The following COL23A1 variants were observed in gnomAD, a reference collection of about 807,000 sequenced individuals.
COL23A1 encodes the protein collagen alpha-1(XXIII) chain.
A neutral mutation model predicts 99.3 loss-of-function variants in COL23A1; 97 were observed. That is an observed-to-expected ratio of 0.98 (90% CI 0.83 to 1.16). COL23A1 has a LOEUF of 1.16. Among genes scored for constraint, COL23A1 ranks in the 50% most tolerant of loss-of-function variants. The pLI is 0.00. For synonymous variants in COL23A1, 320 were observed against 308.2 expected (o/e 1.04, Z -0.40); for missense variants, 762 against 757.4 (o/e 1.01, Z -0.07).
At position 178,269,983 on chromosome 5, in the gene COL23A1, G is replaced by A. The variant is rs566165124; in HGVS notation, c.468+354C>T. Among the ~76,000 whole-genome samples the A allele has an allele frequency of 1.5e-4, 23 of 152,368 alleles. 1 individual carries two copies. In the South Asian group the frequency reaches 4.8e-3, roughly 32 times the overall value. ...CAGGGCAGTCTTGAGAACGTAGTGAGGACACTGTGCCTGTGCCTGCTGGGA... is the reference window on the plus strand; with the variant it reads ...CAGGGCAGTCTTGAGAACGTAGTGAAGACACTGTGCCTGTGCCTGCTGGGA... On this transcript the variant is annotated intron_variant, in intron 6 of 28. Transcript: ENST00000390654.
chr5:178,516,604 G>A (rs972886769), intron 2 of COL23A1, among the ~76,000 whole-genome samples: 11 of 152,186 alleles, frequency 7.2e-5, no homozygotes, highest in Admixed American at 3.3e-4. Flanking sequence ...CCTGGAACGC[G>A]CCAGGCCCTG....
chr5:178,345,969 A>G (rs1231259746), intron 2 of COL23A1, among the ~76,000 whole-genome samples: 1 of 152,144 alleles, frequency 6.6e-6, no homozygotes, highest in Admixed American at 6.5e-5. Context: ...TTACAAGAAA[A>G]TATTTTCATC....
intron 19 of COL23A1, among the ~76,000 whole-genome samples, 158 bp downstream of exon 19, chr5:178,248,959 C>T (rs1015899557): frequency 9.2e-5 from 14 of 152,228 alleles, no homozygotes; most frequent in African/African-American, 1.9e-4. Context: ...AGGAGGACAG[C>T]GCTGGCCCAG....
intron 2 of COL23A1, among the ~76,000 whole-genome samples, chr5:178,554,279 A>G (rs1293418921): frequency 2.0e-5 from 3 of 151,998 alleles, no homozygotes; most frequent in African/African-American, 7.3e-5. Flanking sequence ...CCTGAGTTCA[A>G]GCAATCCTCC....
At chr5:178,375,607 C>T (rs1763030738) in intron 2 of COL23A1, among the ~76,000 whole-genome samples, 1 of 152,262 alleles carries the variant, frequency 6.6e-6, no homozygotes, top group Non-Finnish European at 1.5e-5. Context: ...TCCCACCTTG[C>T]TGACCTCAGT....
intron 2 of COL23A1, among the ~76,000 whole-genome samples, chr5:178,334,249 G>A (rs1024005681): frequency 2.6e-5 from 4 of 152,156 alleles, no homozygotes; most frequent in Admixed American, 2.6e-4. Context: ...TGTGCCCGGC[G>A]CAGTGCTGGG....
intron 2 of COL23A1, among the ~76,000 whole-genome samples, chr5:178,368,517 G>T (rs898829003): frequency 6.6e-6 from 1 of 152,188 alleles, no homozygotes; most frequent in Non-Finnish European, 1.5e-5. Context: ...GGACGACTGT[G>T]TAATGACACG....
intron 2 of COL23A1, among the ~76,000 whole-genome samples, chr5:178,316,955 TTATTC>T (rs1174449702): frequency 6.6e-6 from 1 of 152,218 alleles, no homozygotes; most frequent in East Asian, 1.9e-4. Context: ...TCTGGTCGGC[TTATTC>T]TATGGAGTGA....
chr5:178,404,431 G>C (rs1764640864), intron 2 of COL23A1, among the ~76,000 whole-genome samples: 1 of 152,198 alleles, frequency 6.6e-6, no homozygotes, highest in Non-Finnish European at 1.5e-5. Context: ...GGAGATTCTT[G>C]AGCTGTGTCC....
chr5:178,537,554 G>A (rs1227842824), intron 2 of COL23A1, among the ~76,000 whole-genome samples: 1 of 152,196 alleles, frequency 6.6e-6, no homozygotes, highest in Non-Finnish European at 1.5e-5. Context: ...GCTGGCATGG[G>A]CTCCCCACTC....
chr5:178,424,867 A>AACC, intron 2 of COL23A1, among the ~76,000 whole-genome samples: 1 of 152,204 alleles, frequency 6.6e-6, no homozygotes, highest in Non-Finnish European at 1.5e-5. Flanking sequence ...AATACCACAC[A>AACC]GAGGGGGTTC....
At chr5:178,358,427 ATGTG>A (rs1286909422) in intron 2 of COL23A1, among the ~76,000 whole-genome samples, 13 of 117,944 alleles carry the variant, frequency 1.1e-4, no homozygotes, top group Non-Finnish European at 2.0e-4. Context: ...ATGTGTGTGT[ATGTG>A]TATGTGTGTA....
chr5:178,502,361 G>T (rs910675148), intron 2 of COL23A1, among the ~76,000 whole-genome samples: 32 of 152,156 alleles, frequency 2.1e-4, no homozygotes, highest in Admixed American at 5.2e-4. Flanking sequence ...TCGATCTTCT[G>T]ACCTTGTGAT....
intron 1 of COL23A1, among the ~76,000 whole-genome samples, chr5:178,565,458 AG>A (rs1762795207): frequency 6.6e-6 from 1 of 152,146 alleles, no homozygotes; most frequent in South Asian, 2.1e-4. Flanking sequence ...CTGCTTACGA[AG>A]AGACAGTTCA....
chr5:178,283,962 C>T (rs1300412453), intron 5 of COL23A1, among the ~76,000 whole-genome samples: 1 of 152,232 alleles, frequency 6.6e-6, no homozygotes, highest in African/African-American at 2.4e-5. Flanking sequence ...TTGTGCCACC[C>T]CAGTGCCCAG....
rs1009350146 is a variant in COL23A1 at position 178,502,195 on chromosome 5, G to C, written c.361+58487C>G. On this transcript the variant is annotated intron_variant, in intron 2 of 28. Transcript: ENST00000390654. ...CGCCCAGGCTGGAGTGCAGTGGCGTGATCTCGGCCCACTGCAAGCTCTGCC... is the reference window on the plus strand; with the variant it reads ...CGCCCAGGCTGGAGTGCAGTGGCGTCATCTCGGCCCACTGCAAGCTCTGCC... 1.1e-4 allele frequency among the ~76,000 whole-genome samples: 17 copies of C among 152,182 alleles called. 1 individual carries two copies. Among genetic ancestry groups the C allele is most frequent in the South Asian group, 2.1e-4 (1 of 4,830 alleles).
intron 2 of COL23A1, among the ~76,000 whole-genome samples, chr5:178,497,952 A>G (rs928912880): frequency 6.6e-6 from 1 of 151,938 alleles, no homozygotes; most frequent in African/African-American, 2.4e-5. Context: ...GACCAAGTTG[A>G]AGAAAAAGAA....
At chr5:178,299,338 G>C (rs2973791) in intron 3 of COL23A1, among the ~76,000 whole-genome samples, 114,596 of 152,200 alleles carry the variant, frequency 0.75, 43,714 homozygotes, top group African/African-American at 0.8. Flanking sequence ...CTTTGTTACA[G>C]GTCTATTCAG....
intron 8 of COL23A1, among the ~76,000 whole-genome samples, chr5:178,264,009 A>G (rs1765776033): frequency 6.6e-6 from 1 of 152,186 alleles, no homozygotes; most frequent in Non-Finnish European, 1.5e-5. Flanking sequence ...AAATGGCAAC[A>G]TTGAAGAGAT....
Sources: gnomAD v4.1 joint callset for allele counts (sites outside exome capture counted in the v4.1 genomes callset) on GRCh38, gnomAD v4.1.1 for gene constraint, MANE v1.5 for transcripts, NCBI Gene and HGNC (gene_info 2026-07-23, HGNC 2026-07-21) for gene names.